The following ASH2L variants were observed in gnomAD, a reference collection of about 807,000 sequenced individuals.
ASH2L encodes the protein ASH2 like, histone lysine methyltransferase complex subunit.
Under a neutral mutation model 81.1 loss-of-function variants are expected in ASH2L, and 30 were observed. The ratio of observed to expected loss-of-function variants is 0.37; its 90% CI spans 0.28 to 0.50. The LOEUF is 0.50. Ranked by LOEUF, ASH2L falls within the 20% of genes least tolerant of loss-of-function variation. The probability of loss-of-function intolerance (pLI) is 0.95; values close to 1 mark genes in which losing one functional copy is unlikely to be tolerated. For synonymous variants in ASH2L, 273 were observed against 279.9 expected (o/e 0.98, Z 0.24); for missense variants, 559 against 792.1 (o/e 0.71, Z 3.53).
intron 12 of ASH2L, among the ~76,000 whole-genome samples, chr8:38,130,889 T>C (rs1802036810): frequency 6.6e-6 from 1 of 152,244 alleles, no homozygotes; most frequent in South Asian, 2.1e-4. Context: ...CAGATTTTTA[T>C]GTATAGTATG....
chr8:38,107,861 TAC>T (rs1249694528), intron 3 of ASH2L, among the ~76,000 whole-genome samples: 2 of 134,460 alleles, frequency 1.5e-5, no homozygotes, highest in African/African-American at 2.8e-5. Flanking sequence ...TGTGAAGAAA[TAC>T]ATATATGTGT....
intron 9 of ASH2L, among the ~76,000 whole-genome samples, chr8:38,120,077 A>G (rs1811073426): frequency 6.6e-6 from 1 of 152,260 alleles, no homozygotes; most frequent in South Asian, 2.1e-4. Context: ...GTGAGCTGAG[A>G]TCGCGCTATC....
At chr8:38,105,818 G>T (rs1810397581) in intron 1 of ASH2L, 80 bp downstream of exon 1, 3 of 1,464,888 alleles carry the variant, frequency 2.0e-6, no homozygotes, top group Non-Finnish European at 9.0e-7. Flanking sequence ...GAGCCCTGCC[G>T]CCCGCCCCCT....
Position 38,106,397 on chromosome 8 carries a change from G to T in ASH2L, c.208G>T (p.Val70Leu). Residue 70 changes from valine (V) to leucine (L), a missense_variant, in exon 2 of 16, where the codon GTA (valine) becomes TTA (leucine). Physicochemically the swap from Val to Leu is conservative, Grantham distance 32. Transcript: ENST00000343823. ...TTATAGGGAGGCAAACTTGGTCGATGTAAGCGGTGGCTTGGAGACAGAATC... is the reference window on the plus strand; with the variant it reads ...TTATAGGGAGGCAAACTTGGTCGATTTAAGCGGTGGCTTGGAGACAGAATC... ...AEGGEANLVD[V>L]SGGLETESSN... 1 of 1,614,044 alleles carries T rather than the reference G, an allele frequency of 6.2e-7. No individual in the cohort carries two copies. Among genetic ancestry groups the T allele is most frequent in the Non-Finnish European group, 8.5e-7 (1 of 1,179,970 alleles).
At chr8:38,126,120 T>A (rs1208569739) in intron 10 of ASH2L, among the ~76,000 whole-genome samples, 1 of 151,772 alleles carries the variant, frequency 6.6e-6, no homozygotes, top group Non-Finnish European at 1.5e-5. Context: ...GGAGAATCGC[T>A]TGAACCCGGG....
intron 1 of ASH2L, 149 bp from the exon 2 acceptor site, chr8:38,106,229 G>T: frequency 7.2e-7 from 1 of 1,383,512 alleles, no homozygotes; most frequent in Non-Finnish European, 1.0e-6. Context: ...TATCCTGACA[G>T]TACCTTGGGC....
At position 38,126,698 on chromosome 8, in the gene ASH2L, T is replaced by TA. The variant is rs1438661161; in HGVS notation, c.1166-1587dup. The stretch of plus-strand genomic sequence containing the variant: ...TGAAACCCTGTCTCTACTGAAAATA[T>TA]AAAAAATTAGCCGGGCGTGGTGGCG... On this transcript the variant is annotated intron_variant, in intron 10 of 15. Coordinates refer to ENST00000343823, the MANE Select transcript of ASH2L (RefSeq NM_004674.5). Among the ~76,000 whole-genome samples, 3 of 150,840 alleles carry TA rather than the reference T, an allele frequency of 2.0e-5. No homozygotes were observed. The East Asian group carries it at 5.9e-4, about 29-fold the overall frequency.
intron 9 of ASH2L, among the ~76,000 whole-genome samples, 176 bp from the exon 10 acceptor site, chr8:38,120,756 T>C (rs1297551211): frequency 6.6e-6 from 1 of 151,910 alleles, no homozygotes; most frequent in Admixed American, 6.6e-5. Flanking sequence ...CTAATCCTTT[T>C]CACTTCCTTG....
chr8:38,133,612 A>G, intron 13 of ASH2L, 66 bp downstream of exon 13: 1 of 1,292,012 alleles, frequency 7.7e-7, no homozygotes, highest in Non-Finnish European at 1.1e-6. Context: ...TTCCTTCATT[A>G]TAAAAGTGAG....
intron 12 of ASH2L, among the ~76,000 whole-genome samples, chr8:38,132,499 A>G (rs1408351597): frequency 6.6e-6 from 1 of 152,254 alleles, no homozygotes; most frequent in Non-Finnish European, 1.5e-5. Context: ...AAATATTTTC[A>G]TAGAATAAGG....
chr8:38,129,017 G>A, intron 12 of ASH2L, 66 bp downstream of exon 12: 3 of 1,551,332 alleles, frequency 1.9e-6, no homozygotes, highest in Non-Finnish European at 2.6e-6. Flanking sequence ...GCTTATCACT[G>A]GCTTGTGTGA....
chr8:38,112,218 C>T lies in ASH2L; in HGVS notation c.585+1385C>T, dbSNP rs113518711. Reference sequence around the variant, plus strand: ...GAGATGTGGTCTCACTAGCTGGTTTCGACCTCCTGGGTTCAAGTGATCCTC... The same window carrying T: ...GAGATGTGGTCTCACTAGCTGGTTTTGACCTCCTGGGTTCAAGTGATCCTC... On this transcript the variant is annotated intron_variant, in intron 5 of 15. Coordinates refer to ENST00000343823, the MANE Select transcript of ASH2L (RefSeq NM_004674.5). Among the ~76,000 whole-genome samples the T allele has an allele frequency of 3.9e-5, 6 of 152,204 alleles. 1 individual carries two copies. The highest frequency in any genetic ancestry group is 1.3e-4 in the Admixed American group (2 of 15,304).
chr8:38,105,506 G>A (rs1369109909), upstream of ASH2L: 3 of 1,488,994 alleles, frequency 2.0e-6, no homozygotes, highest in South Asian at 2.6e-5. Context: ...AGCAACGCGC[G>A]CGAGAGAAGA....
At chr8:38,126,718 G>A (rs1801858480) in intron 10 of ASH2L, among the ~76,000 whole-genome samples, 1 of 151,568 alleles carries the variant, frequency 6.6e-6, no homozygotes, top group African/African-American at 2.4e-5. Flanking sequence ...GCCGGGCGTG[G>A]TGGCGGGCAC....
Position 38,121,167 on chromosome 8 carries a change from G to T in ASH2L, c.1165+18G>T. 1 of 1,603,452 alleles carries T rather than the reference G, an allele frequency of 6.2e-7. No individual in the cohort carries two copies. The highest frequency in any genetic ancestry group is 8.5e-7 in the Non-Finnish European group (1 of 1,172,022). ...TGATCGAGGTATGTAAAGTATTGGA[G>T]ATCATATGGATGCAGGGTTACTTTG... On this transcript the variant is annotated intron_variant, in intron 10 of 15. Coordinates refer to ENST00000343823, the MANE Select transcript of ASH2L (RefSeq NM_004674.5).
chr8:38,123,077 A>C (rs1271679800), intron 10 of ASH2L, among the ~76,000 whole-genome samples: 2 of 129,284 alleles, frequency 1.5e-5, no homozygotes, highest in South Asian at 5.0e-4. Flanking sequence ...GTAGTTTCAG[A>C]ATTTCTTTTT....
intron 4 of ASH2L, 115 bp downstream of exon 4, chr8:38,110,582 GT>G: frequency 8.5e-7 from 1 of 1,182,322 alleles, no homozygotes; most frequent in Non-Finnish European, 1.2e-6. Flanking sequence ...TTCAGTTGGG[GT>G]TTAGCTCTGA....
rs1810648877 is a variant in ASH2L, at chr8:38,110,788, C to A, written c.540C>A (p.Ser180=). The change falls in exon 5 of 16, where the codon TCC becomes TCA. Residue 180 remains serine (S), a synonymous_variant. Transcript: ENST00000343823. ...CTTTGGCCAACCTGACATGGCAGTC[C>A]CGAACACAGGATGAACATCCGAAGA... ...LSALANLTWQ[S]RTQDEHPKTM... 2 of 1,613,806 alleles carry A rather than the reference C, an allele frequency of 1.2e-6. No individual in the cohort carries two copies. The highest frequency in any genetic ancestry group is 1.7e-6 in the Non-Finnish European group (2 of 1,179,984).
At chr8:38,118,136 A>C (rs1810985789) in intron 8 of ASH2L, among the ~76,000 whole-genome samples, 1 of 152,246 alleles carries the variant, frequency 6.6e-6, no homozygotes, top group African/African-American at 2.4e-5. Flanking sequence ...GTTTAACATT[A>C]AACTTTTATG....
Sources: gnomAD v4.1 joint callset for allele counts (sites outside exome capture counted in the v4.1 genomes callset) on GRCh38, gnomAD v4.1.1 for gene constraint, MANE v1.5 for transcripts, NCBI Gene and HGNC (gene_info 2026-07-23, HGNC 2026-07-21) for gene names.